The following ENO4 variants were observed in gnomAD, a reference collection of about 807,000 sequenced individuals.
ENO4 encodes the protein enolase 4, also known as 2-phospho-D-glycerate hydro-lyase.
A neutral mutation model predicts 63.2 loss-of-function variants in ENO4; 53 were observed. The observed-to-expected ratio is 0.84, with a 90% CI of 0.67 to 1.05. ENO4 has a LOEUF of 1.05. Among genes scored for constraint, ENO4 ranks in the 50% least tolerant of loss-of-function variants. ENO4 has a pLI of 0.00. For synonymous variants in ENO4, 266 were observed against 283.8 expected (o/e 0.94, Z 0.63); for missense variants, 719 against 772.0 (o/e 0.93, Z 0.81).
chr10:116,868,253 G>T (rs909119285), intron 7 of ENO4, among the ~76,000 whole-genome samples: 59 of 152,230 alleles, frequency 3.9e-4, no homozygotes, highest in African/African-American at 1.4e-3. Context: ...CCGCAGTGGG[G>T]TTAAGCCCTA....
At chr10:116,904,335 T>C (rs1314547737) in intron 10 of ENO4, among the ~76,000 whole-genome samples, 1 of 152,198 alleles carries the variant, frequency 6.6e-6, no homozygotes, top group African/African-American at 2.4e-5. Flanking sequence ...ATTCACATGG[T>C]AAAAGCCACC....
At chr10:116,885,080 G>A (rs1847124256), downstream of ENO4, 1 of 152,564 alleles carries the variant, frequency 6.6e-6, no homozygotes, top group Admixed American at 6.5e-5. Flanking sequence ...ACATGTACCT[G>A]CCTACCCACC....
chr10:116,900,598 A>C, intron 10 of ENO4: 1 of 1,531,060 alleles, frequency 6.5e-7, no homozygotes, highest in Non-Finnish European at 8.7e-7. Flanking sequence ...ATTTATCAGA[A>C]ACTAACTTGT....
chr10:116,863,677 A>G (rs910412469), intron 7 of ENO4, among the ~76,000 whole-genome samples: 1 of 152,216 alleles, frequency 6.6e-6, no homozygotes, highest in African/African-American at 2.4e-5. Context: ...GCAGTGTAAC[A>G]TGGAGGCACT....
At chr10:116,869,964 G>A (rs1325278683) in intron 8 of ENO4, among the ~76,000 whole-genome samples, 1 of 152,182 alleles carries the variant, frequency 6.6e-6, no homozygotes, top group Non-Finnish European at 1.5e-5. Flanking sequence ...AATGTGCTTA[G>A]AACAGTACCT....
chr10:116,910,550 A>C (rs1269694889), intron 10 of ENO4, among the ~76,000 whole-genome samples: 1 of 152,214 alleles, frequency 6.6e-6, no homozygotes, highest in African/African-American at 2.4e-5. Flanking sequence ...AAATATTATC[A>C]TATGTACCTC....
rs1264498465 is a variant in ENO4, at chr10:116,859,104, T to TC, written c.602dup (p.Pro202ThrfsTer28). On this transcript the variant is annotated frameshift_variant, in exon 4 of 14. Coordinates refer to ENST00000341276, the MANE Select transcript of ENO4 (RefSeq NM_001242699.2). LOFTEE classifies it high-confidence loss of function. ...CTCCAGTACCACCACCACCACCCCC[T>TC]CCACCTCCTACCAAAAAAAAGGGGC... is the stretch of plus-strand genomic sequence containing the variant. 2.8e-6 allele frequency: 3 copies of TC among 1,087,542 alleles called. No homozygotes were observed. Among genetic ancestry groups the TC allele is most frequent in the East Asian group, 9.1e-5 (2 of 22,070 alleles). The allele number at this position is 1,087,542 out of a possible 1,614,324, so 67.4% of individuals were successfully genotyped here. A position where few individuals can be genotyped will look rare whatever the true frequency, so the allele number is the denominator to read the frequency against.
intron 10 of ENO4, chr10:116,906,507 CACATTA>C: frequency 9.9e-7 from 1 of 1,010,910 alleles, no homozygotes; most frequent in Non-Finnish European, 1.4e-6. Flanking sequence ...ACTTCTCACT[CACATTA>C]AAAACAAATA....
intron 10 of ENO4, chr10:116,907,765 A>G (rs1436102900): frequency 1.8e-5 from 8 of 442,500 alleles, no homozygotes; most frequent in Non-Finnish European, 3.2e-5. Flanking sequence ...ATCAGAGGAC[A>G]TAAGAACCTC....
intron 11 of ENO4, among the ~76,000 whole-genome samples, 189 bp downstream of exon 11, chr10:116,876,449 C>T (rs1311572160): frequency 6.6e-6 from 1 of 152,258 alleles, no homozygotes; most frequent in African/African-American, 2.4e-5. Flanking sequence ...CTACGTTCCA[C>T]TAACAGCCCA....
At chr10:116,865,099 A>G (rs1156316211) in intron 7 of ENO4, among the ~76,000 whole-genome samples, 1 of 151,830 alleles carries the variant, frequency 6.6e-6, no homozygotes, top group African/African-American at 2.4e-5. Context: ...CATTCTGCAA[A>G]TTGCTTTACT....
downstream of ENO4, chr10:116,886,204 C>T: frequency 8.2e-7 from 1 of 1,220,396 alleles, no homozygotes; most frequent in Non-Finnish European, 1.1e-6. Flanking sequence ...TTGCTACTTA[C>T]AAAAGTGACA....
chr10:116,910,057 A>G (rs1432190466), intron 10 of ENO4, among the ~76,000 whole-genome samples: 1 of 152,162 alleles, frequency 6.6e-6, no homozygotes, highest in Non-Finnish European at 1.5e-5. Flanking sequence ...AAGCACCACT[A>G]AAGACCCAAA....
chr10:116,872,884 T>C (rs1211451340), intron 9 of ENO4, among the ~76,000 whole-genome samples: 1 of 152,186 alleles, frequency 6.6e-6, no homozygotes, highest in Non-Finnish European at 1.5e-5. Context: ...TTCTAAAAGT[T>C]CTTTTACTTT....
Position 116,856,531 on chromosome 10 carries a change from C to A in ENO4, c.334C>A (p.His112Asn). The part of the protein sequence containing the change: ...SVVISTHFEV[H>N]ENALPELAKA... ...GGTGATCTCGACTCATTTTGAAGTC[C>A]ATGAGAATGCTCTGCCCGAGCTGGC... The change falls in exon 3 of 14, where the codon CAT becomes AAT. Residue 112 changes from histidine (H) to asparagine (N), a missense_variant. His to Asn is a moderately conservative substitution (Grantham distance 68, BLOSUM62 1). Coordinates refer to ENST00000341276, the MANE Select transcript of ENO4 (RefSeq NM_001242699.2). 6.5e-7 allele frequency: 1 copy of A among 1,535,604 alleles called. No homozygotes were observed. The highest frequency in any genetic ancestry group is 1.2e-5 in the South Asian group (1 of 84,014).
chr10:116,876,880 G>A (rs1846850032), intron 11 of ENO4, among the ~76,000 whole-genome samples: 1 of 152,138 alleles, frequency 6.6e-6, no homozygotes, highest in South Asian at 2.1e-4. Flanking sequence ...GAACTTGGGA[G>A]GCGGAGCTTG....
At chr10:116,856,792 G>C (rs961252401) in intron 3 of ENO4, 110 bp downstream of exon 3, 23 of 939,100 alleles carry the variant, frequency 2.4e-5, no homozygotes, top group Non-Finnish European at 3.0e-5. Flanking sequence ...ACGAGGTCAG[G>C]AGGTCGAGAC....
intron 10 of ENO4, among the ~76,000 whole-genome samples, chr10:116,894,069 C>T (rs569048915): frequency 1.6e-4 from 24 of 152,270 alleles, no homozygotes; most frequent in Non-Finnish European, 3.1e-4. Context: ...TAATTCAAAA[C>T]CTGAAAGGCA....
At chr10:116,910,950 AATCT>A (rs1255413959) in intron 10 of ENO4, among the ~76,000 whole-genome samples, 1 of 152,206 alleles carries the variant, frequency 6.6e-6, no homozygotes, top group Non-Finnish European at 1.5e-5. Flanking sequence ...TGATGAAAAT[AATCT>A]TGTTTACCAC....
Sources: allele counts gnomAD v4.1 joint callset (sites outside exome capture counted in the v4.1 genomes callset), GRCh38; gene constraint gnomAD v4.1.1; transcripts MANE v1.5; gene names NCBI Gene and HGNC (gene_info 2026-07-23, HGNC 2026-07-21).